Variants in FAM167A observed in about 807,000 individuals in gnomAD.
The protein encoded by FAM167A is family with sequence similarity 167 member A, also known as protein FAM167A.
Under a neutral mutation model 14.9 loss-of-function variants are expected in FAM167A, and 23 were observed. The observed-to-expected ratio is 1.55, with a 90% CI of 1.11 to 2.19. The LOEUF is 2.19. Among genes scored for constraint, FAM167A ranks in the 30% most tolerant of loss-of-function variants. The probability of loss-of-function intolerance (pLI) is 0.00; values close to 1 mark genes in which losing one functional copy is unlikely to be tolerated. For missense variants in FAM167A, 401 were observed against 281.5 expected (o/e 1.42, Z -3.04); for synonymous variants, 174 against 117.7 (o/e 1.48, Z -3.10).
At chr8:11,455,475 G>C (rs60532605) in intron 1 of FAM167A, among the ~76,000 whole-genome samples, 2,186 of 147,686 alleles carry the variant, frequency 0.015, 29 homozygotes, top group South Asian at 0.049. Flanking sequence ...GTGTGAGTGT[G>C]GGGAGTGGTT....
At chr8:11,447,031 C>T (rs549953202) in intron 1 of FAM167A, among the ~76,000 whole-genome samples, 3 of 152,284 alleles carry the variant, frequency 2.0e-5, no homozygotes, top group Admixed American at 2.0e-4. Context: ...CCTGGTGGCC[C>T]ACCCCCTCCC....
chr8:11,434,708 C>T (rs988609585), intron 2 of FAM167A: 13 of 237,932 alleles, frequency 5.5e-5, no homozygotes, highest in Non-Finnish European at 1.0e-4. Flanking sequence ...GCCCCTAGAT[C>T]TGCCACTAGG....
At chr8:11,463,518 C>T (rs924194225) in intron 1 of FAM167A, among the ~76,000 whole-genome samples, 5 of 152,212 alleles carry the variant, frequency 3.3e-5, no homozygotes, top group South Asian at 2.1e-4. Context: ...GGAAACACTG[C>T]CCAGCCTTCG....
chr8:11,427,653 C>CT (rs548378113), intron 2 of FAM167A, among the ~76,000 whole-genome samples: 8 of 152,158 alleles, frequency 5.3e-5, no homozygotes, highest in Non-Finnish European at 1.2e-4. Flanking sequence ...TCTCAATGTT[C>CT]TTTTTTTCCT....
chr8:11,474,593 C>T (rs1797812760), intron 1 of FAM167A: 1 of 152,184 alleles, frequency 6.6e-6, no homozygotes, highest in Non-Finnish European at 1.5e-5. Context: ...ATACAGGCAC[C>T]CAGAGATGGG....
chr8:11,443,871 C>G (rs1174842650), intron 2 of FAM167A, among the ~76,000 whole-genome samples, 160 bp downstream of exon 2: 1 of 151,772 alleles, frequency 6.6e-6, no homozygotes, highest in Non-Finnish European at 1.5e-5. Flanking sequence ...TGACGCCTGC[C>G]TTCAACTCAC....
At chr8:11,439,250 G>C (rs1362774311) in intron 2 of FAM167A, among the ~76,000 whole-genome samples, 1 of 152,258 alleles carries the variant, frequency 6.6e-6, no homozygotes, top group Non-Finnish European at 1.5e-5. Context: ...TTGCAGGATA[G>C]TGTATATGGA....
intron 2 of FAM167A, among the ~76,000 whole-genome samples, chr8:11,432,567 A>G (rs1333858571): frequency 6.6e-6 from 1 of 152,216 alleles, no homozygotes; most frequent in African/African-American, 2.4e-5. Context: ...GTCAGGAAAT[A>G]ACATGCTGGA....
intron 2 of FAM167A, chr8:11,438,284 G>GGCAGGACCTCCCGGTTGGGGTCAGCT (rs1368280150): frequency 2.0e-5 from 8 of 402,274 alleles, no homozygotes; most frequent in African/African-American, 1.4e-4. Context: ...AGGGAGAGCA[G>GGCAGGACCTCCCGGTTGGGGTCAGCT]GCAGGACCTC....
intron 1 of FAM167A, among the ~76,000 whole-genome samples, chr8:11,462,603 C>A (rs936373441): frequency 1.3e-5 from 2 of 149,818 alleles, no homozygotes; most frequent in African/African-American, 5.1e-5. Flanking sequence ...CCAGACTGCA[C>A]GCTCCCTGAG....
In FAM167A at chr8:11,444,722, ATC is replaced by A; in HGVS notation, c.-313_-312del. Reference sequence around the variant, plus strand: ...CTCGGGGCAGCCTGTGCCAAGGTCTATCTGTCCTGAACGCACTCGAAGACCAG... The same window carrying A: ...CTCGGGGCAGCCTGTGCCAAGGTCTATGTCCTGAACGCACTCGAAGACCAG... On this transcript the variant is annotated 5_prime_UTR_variant, in exon 2 of 3. Transcript: ENST00000284486. 8.6e-7 allele frequency: 1 copy of A among 1,156,100 alleles called. No individual in the cohort carries two copies. The highest frequency in any genetic ancestry group is 1.1e-6 in the Non-Finnish European group (1 of 936,732). The allele number at this position is 1,156,100 out of a possible 1,614,324, so 71.6% of individuals were successfully genotyped here. A position where few individuals can be genotyped will look rare whatever the true frequency, so the allele number is the denominator to read the frequency against.
upstream of FAM167A, among the ~76,000 whole-genome samples, chr8:11,472,416 GTTTTGTT>G (rs1409786539): frequency 1.0e-3 from 135 of 133,666 alleles, no homozygotes; most frequent in Middle Eastern, 4.3e-3. Context: ...TTTTTGTTTT[GTTTTGTT>G]TTTTGTTTTT....
At chr8:11,458,300 C>CTGA (rs1293075636) in intron 1 of FAM167A, among the ~76,000 whole-genome samples, 2 of 152,236 alleles carry the variant, frequency 1.3e-5, no homozygotes, top group Non-Finnish European at 1.5e-5. Context: ...CCGAATGGAG[C>CTGA]TGATGGCTTC....
chr8:11,448,333 C>T (rs1585264776), intron 1 of FAM167A, among the ~76,000 whole-genome samples: 1 of 147,270 alleles, frequency 6.8e-6, no homozygotes, highest in Non-Finnish European at 1.5e-5. Context: ...AAGTCCTAAT[C>T]AGGGATTCAA....
chr8:11,440,433 G>A (rs1401529000), intron 2 of FAM167A, among the ~76,000 whole-genome samples: 2 of 152,240 alleles, frequency 1.3e-5, no homozygotes, highest in African/African-American at 4.8e-5. Context: ...GCTGACCCCT[G>A]AGAGCTGTTA....
At chr8:11,456,490 C>T (rs1358675476) in intron 1 of FAM167A, among the ~76,000 whole-genome samples, 15 of 80,082 alleles carry the variant, frequency 1.9e-4, no homozygotes, top group South Asian at 4.3e-4. Flanking sequence ...GGTGGTTGCC[C>T]TGATGGGTGT....
intron 1 of FAM167A, among the ~76,000 whole-genome samples, chr8:11,450,992 C>G (rs1249145136): frequency 6.6e-6 from 1 of 152,262 alleles, no homozygotes. Flanking sequence ...TGTGACAGAC[C>G]TAGCTTGAGG....
chr8:11,448,152 C>G (rs1028317477), intron 1 of FAM167A, among the ~76,000 whole-genome samples: 2 of 150,544 alleles, frequency 1.3e-5, no homozygotes, highest in African/African-American at 4.9e-5. Flanking sequence ...CAAGATCGCA[C>G]TACTGCATTC....
At chr8:11,438,610 A>G (rs1806214508) in intron 2 of FAM167A, 4 of 426,140 alleles carry the variant, frequency 9.4e-6, no homozygotes, top group Middle Eastern at 3.6e-4. Context: ...AAAAAAGTCA[A>G]AAGAATAATA....
Sources: gnomAD v4.1 joint callset for allele counts (sites outside exome capture counted in the v4.1 genomes callset) on GRCh38, gnomAD v4.1.1 for gene constraint, MANE v1.5 for transcripts, NCBI Gene and HGNC (gene_info 2026-07-23, HGNC 2026-07-21) for gene names.